Variants in CHKA observed in about 807,000 individuals in gnomAD.
CHKA encodes the protein CHETK-alpha.
Under a neutral mutation model 60.1 loss-of-function variants are expected in CHKA, and 34 were observed. The observed-to-expected ratio is 0.57, with a 90% CI of 0.43 to 0.75. CHKA has a LOEUF of 0.75. Ranked by LOEUF, CHKA falls within the 30% of genes least tolerant of loss-of-function variation. CHKA has a pLI of 0.00. For synonymous variants in CHKA, 217 were observed against 223.1 expected (o/e 0.97, Z 0.24); for missense variants, 563 against 561.3 (o/e 1.00, Z -0.03).
chr11:68,114,832 GAA>G (rs1415199714), intron 1 of CHKA, among the ~76,000 whole-genome samples: 2 of 152,044 alleles, frequency 1.3e-5, no homozygotes. Context: ...TCTGGAAAAG[GAA>G]AACCTATGGA....
intron 8 of CHKA, 81 bp downstream of exon 8, chr11:68,066,347 AT>A: frequency 3.3e-6 from 4 of 1,229,014 alleles, no homozygotes; most frequent in Non-Finnish European, 4.7e-6. Context: ...ATTTTGACTT[AT>A]TTTCTCTAAT....
intron 1 of CHKA, among the ~76,000 whole-genome samples, chr11:68,114,733 A>C (rs567679888): frequency 1.3e-4 from 20 of 151,870 alleles, no homozygotes; most frequent in African/African-American, 2.9e-4. Context: ...AAGACAAGAC[A>C]AGACCCAGGG....
intron 3 of CHKA, among the ~76,000 whole-genome samples, chr11:68,078,872 T>C (rs1378439207): frequency 6.6e-6 from 1 of 151,410 alleles, no homozygotes; most frequent in East Asian, 1.9e-4. Flanking sequence ...CAAAAGAAAA[T>C]ATGCATAGGA....
At chr11:68,070,928 T>C in intron 4 of CHKA, 71 bp from the exon 5 acceptor site, 2 of 1,491,370 alleles carry the variant, frequency 1.3e-6, no homozygotes, top group Admixed American at 1.8e-5. Flanking sequence ...CACACAGTCT[T>C]AGGAACGAGA....
intron 11 of CHKA, among the ~76,000 whole-genome samples, chr11:68,055,771 G>A (rs934659937): frequency 3.3e-5 from 5 of 152,074 alleles, no homozygotes; most frequent in African/African-American, 9.7e-5. Flanking sequence ...GAGGCCGGGC[G>A]CGGTGGCTCA....
chr11:68,093,317 C>A (rs1857409352), intron 2 of CHKA, among the ~76,000 whole-genome samples: 1 of 152,106 alleles, frequency 6.6e-6, no homozygotes, highest in Non-Finnish European at 1.5e-5. Flanking sequence ...CCCTTTCTAT[C>A]CAAGGTGCTT....
At chr11:68,119,159 G>A (rs1363183077) in intron 1 of CHKA, among the ~76,000 whole-genome samples, 1 of 152,124 alleles carries the variant, frequency 6.6e-6, no homozygotes, top group African/African-American at 2.4e-5. Context: ...TTTTTTAAGT[G>A]CCATTAAGCA....
intron 1 of CHKA, among the ~76,000 whole-genome samples, chr11:68,119,144 G>T (rs745532943): frequency 2.0e-5 from 3 of 152,202 alleles, no homozygotes; most frequent in Non-Finnish European, 4.4e-5. Context: ...GGAGAGAGCT[G>T]AATTTTTTTT....
intron 2 of CHKA, among the ~76,000 whole-genome samples, chr11:68,087,595 A>G (rs1416262934): frequency 6.6e-6 from 1 of 152,140 alleles, no homozygotes; most frequent in Admixed American, 6.5e-5. Context: ...TTTTTATAGA[A>G]AAAAAATTGT....
chr11:68,072,047 C>CA (rs1856636342), intron 4 of CHKA, among the ~76,000 whole-genome samples: 1 of 152,200 alleles, frequency 6.6e-6, no homozygotes, highest in African/African-American at 2.4e-5. Context: ...ACTCAGCTTT[C>CA]AAAACTGCCA....
chr11:68,088,284 A>G (rs2134627777), intron 2 of CHKA, among the ~76,000 whole-genome samples: 1 of 152,158 alleles, frequency 6.6e-6, no homozygotes, highest in African/African-American at 2.4e-5. Flanking sequence ...ATTCACCCTG[A>G]GAATAGGAGG....
intron 1 of CHKA, among the ~76,000 whole-genome samples, chr11:68,111,846 G>A (rs1858156290): frequency 6.6e-6 from 1 of 151,928 alleles, no homozygotes; most frequent in Non-Finnish European, 1.5e-5. Context: ...TTGAGGTCAG[G>A]AGTTTGAGAC....
intron 11 of CHKA, among the ~76,000 whole-genome samples, chr11:68,060,939 A>G (rs1856213364): frequency 1.3e-5 from 2 of 152,254 alleles, no homozygotes; most frequent in East Asian, 1.9e-4. Context: ...AAAATGAACT[A>G]GTCCCATCCC....
At chr11:68,061,663 C>G in intron 11 of CHKA, 1 of 501,404 alleles carries the variant, frequency 2.0e-6, no homozygotes, top group South Asian at 1.6e-5. Flanking sequence ...CCTACATTCC[C>G]CATCAGGATT....
At chr11:68,113,118 T>C (rs1053393507) in intron 1 of CHKA, among the ~76,000 whole-genome samples, 801 of 67,020 alleles carry the variant, frequency 0.012, 13 homozygotes, top group African/African-American at 0.037. Flanking sequence ...AAAGAAGCTG[T>C]GGCAGGAAAA....
intron 2 of CHKA, among the ~76,000 whole-genome samples, chr11:68,095,728 A>AC (rs1565188475): frequency 1.4e-5 from 2 of 143,998 alleles, no homozygotes; most frequent in African/African-American, 5.2e-5. Context: ...AAAAAAAAAA[A>AC]AAAAAACAAC....
In CHKA at chr11:68,095,319, C is replaced by T. The variant is rs185874989; in HGVS notation, c.462+1700G>A. ...TTGAAAGGCTGAGGCAGGAGAATGGCGTGAACCCAGGAGGCGCAGCTTGCA... is the reference window on the plus strand; with the variant it reads ...TTGAAAGGCTGAGGCAGGAGAATGGTGTGAACCCAGGAGGCGCAGCTTGCA... On this transcript the variant is annotated intron_variant, in intron 2 of 11. Coordinates refer to ENST00000265689, the MANE Select transcript of CHKA (RefSeq NM_001277.3). 2.5e-3 allele frequency among the ~76,000 whole-genome samples: 339 copies of T among 134,398 alleles called. 1 individual carries two copies. The highest frequency in any genetic ancestry group is 5.2e-3 in the Admixed American group (60 of 11,606). The allele number at this position is 134,398 out of a possible 152,430, so 88.2% of individuals were successfully genotyped here. A position where few individuals can be genotyped will look rare whatever the true frequency, so the allele number is the denominator to read the frequency against.
chr11:68,072,633 CA>C (rs1484729420), intron 4 of CHKA, among the ~76,000 whole-genome samples: 2 of 150,468 alleles, frequency 1.3e-5, no homozygotes, highest in African/African-American at 4.9e-5. Context: ...TCTTGTTGGT[CA>C]AAAACAGTCA....
chr11:68,118,816 A>G (rs1281169943), intron 1 of CHKA, among the ~76,000 whole-genome samples: 2 of 152,238 alleles, frequency 1.3e-5, no homozygotes, highest in African/African-American at 4.8e-5. Context: ...TGCTTTCCTA[A>G]TAACTGGTTT....
Sources: gnomAD v4.1 joint callset for allele counts (sites outside exome capture counted in the v4.1 genomes callset) on GRCh38, gnomAD v4.1.1 for gene constraint, MANE v1.5 for transcripts, NCBI Gene and HGNC (gene_info 2026-07-23, HGNC 2026-07-21) for gene names.